PITPNB: variants seen among roughly 807,000 people sequenced by gnomAD.
PITPNB encodes phosphatidylinositol transfer protein beta isoform.
PITPNB carries 16 observed loss-of-function variants against 45.9 expected under a neutral mutation model. The observed-to-expected ratio is 0.35, with a 90% CI of 0.24 to 0.53. The LOEUF (loss-of-function observed/expected upper bound fraction) is 0.53, where lower values mean the gene tolerates loss of function less well. PITPNB is among the 20% of genes least tolerant of loss of function. The pLI, the probability that PITPNB is intolerant of heterozygous loss-of-function variation, is 0.93. For synonymous variants in PITPNB, 112 were observed against 108.9 expected (o/e 1.03, Z -0.18); for missense variants, 188 against 330.5 (o/e 0.57, Z 3.34).
intron 7 of PITPNB, among the ~76,000 whole-genome samples, chr22:27,882,330 G>A (rs1048781531): frequency 1.3e-5 from 2 of 152,066 alleles, no homozygotes; most frequent in African/African-American, 2.4e-5. Context: ...TGGTATGTTC[G>A]AAATGAAAAG....
intron 8 of PITPNB, among the ~76,000 whole-genome samples, chr22:27,871,091 A>C (rs1483241014): frequency 6.6e-6 from 1 of 152,250 alleles, no homozygotes; most frequent in African/African-American, 2.4e-5. Context: ...ATCTGCAGAA[A>C]TACAAAATTC....
rs574524268 is a variant in PITPNB at position 27,918,999 on chromosome 22, G to A, written c.20+173C>T. The A allele has an allele frequency of 1.6e-3, 1,451 of 917,234 alleles. 3 individuals are homozygous for A. Among genetic ancestry groups the A allele is most frequent in the Non-Finnish European group, 2.4e-3 (1,336 of 566,528 alleles). 56.8% of individuals were successfully genotyped at this position (917,234 alleles called of 1,614,324 possible). On this transcript the variant is annotated intron_variant, in intron 1 of 11. Transcript: ENST00000335272. ...TTACCACGGCAATGCCTGGAGGGCC[G>A]AGGGGCGCACTCGCTGAGGGGCTTC... is the stretch of plus-strand genomic sequence containing the variant.
At chr22:27,873,451 G>A (rs1471448596) in intron 8 of PITPNB, among the ~76,000 whole-genome samples, 1 of 152,100 alleles carries the variant, frequency 6.6e-6, no homozygotes, top group Non-Finnish European at 1.5e-5. Flanking sequence ...TACTGCTTCA[G>A]GTCTCAAAAG....
intron 11 of PITPNB, 116 bp downstream of exon 11, chr22:27,854,738 T>A: frequency 3.6e-6 from 2 of 562,594 alleles, no homozygotes; most frequent in Non-Finnish European, 6.3e-6. Flanking sequence ...ATTTATCTTT[T>A]AAATTCTAAA....
Position 27,858,504 on chromosome 22 carries a change from T to C in PITPNB, c.651A>G (p.Glu217=), listed in dbSNP as rs1306886020. The change falls in exon 10 of 12, where the codon GAA becomes GAG. Residue 217 remains glutamate, a synonymous_variant. Coordinates refer to ENST00000335272, the MANE Select transcript of PITPNB (RefSeq NM_012399.5). ...SKVENFIQKQ[E]KRIFTNFHRQ... is the part of the protein sequence containing the mutation. ...GATGGAAGTTTGTAAATATCCGTTT[T>C]TCTTGCTTTTAAAACAACAACAAAA... The C allele has an allele frequency of 6.2e-7, 1 of 1,608,586 alleles. No homozygotes were observed. The highest frequency in any genetic ancestry group is 1.3e-5 in the African/African-American group (1 of 74,652).
At chr22:27,868,445 G>A (rs1419376271) in intron 8 of PITPNB, among the ~76,000 whole-genome samples, 3 of 152,184 alleles carry the variant, frequency 2.0e-5, no homozygotes, top group Non-Finnish European at 4.4e-5. Context: ...ACATGGGGTA[G>A]ACAAAGAAAG....
chr22:27,909,482 A>G (rs914919644), intron 3 of PITPNB, among the ~76,000 whole-genome samples: 2 of 152,192 alleles, frequency 1.3e-5, no homozygotes, highest in Non-Finnish European at 2.9e-5. Context: ...AAGAAAGCAT[A>G]TGAAGAGTCA....
chr22:27,885,892 C>T (rs767412505), intron 7 of PITPNB, among the ~76,000 whole-genome samples: 44 of 152,150 alleles, frequency 2.9e-4, no homozygotes, highest in Non-Finnish European at 5.1e-4. Context: ...TTATGCCACG[C>T]CATGCATCCA....
intron 7 of PITPNB, among the ~76,000 whole-genome samples, chr22:27,889,917 ATTAAC>A (rs1255008121): frequency 4.6e-5 from 7 of 152,252 alleles, no homozygotes; most frequent in East Asian, 1.9e-4. Context: ...AAATGAACTA[ATTAAC>A]TTAACAGAAA....
chr22:27,909,207 C>CTTTTTTTTTTTTTTTTTT (rs34224616), intron 3 of PITPNB, among the ~76,000 whole-genome samples: 3 of 82,244 alleles, frequency 3.6e-5, no homozygotes, highest in Non-Finnish European at 6.7e-5. Context: ...ACTGGTAGTA[C>CTTTTTTTTTTTTTTTTTT]TTTTTTTTTT....
At chr22:27,900,551 G>C (rs1935563921) in intron 3 of PITPNB, among the ~76,000 whole-genome samples, 1 of 152,058 alleles carries the variant, frequency 6.6e-6, no homozygotes, top group African/African-American at 2.4e-5. Context: ...CTATAAGCTA[G>C]ATTTCAAATT....
At chr22:27,900,615 T>C (rs774120601) in intron 3 of PITPNB, among the ~76,000 whole-genome samples, 4 of 152,188 alleles carry the variant, frequency 2.6e-5, no homozygotes, top group Non-Finnish European at 5.9e-5. Flanking sequence ...CTCTCCTCAA[T>C]GAATCTAAGT....
At chr22:27,882,882 TC>T (rs1459963921) in intron 7 of PITPNB, among the ~76,000 whole-genome samples, 2 of 152,226 alleles carry the variant, frequency 1.3e-5, no homozygotes, top group African/African-American at 4.8e-5. Flanking sequence ...ATACAATTGT[TC>T]CTTTAACTGG....
chr22:27,899,860 T>C (rs531772155), intron 3 of PITPNB, among the ~76,000 whole-genome samples: 1 of 152,162 alleles, frequency 6.6e-6, no homozygotes, highest in Admixed American at 6.5e-5. Context: ...CCTATTCATC[T>C]GAGAGTATGA....
intron 3 of PITPNB, among the ~76,000 whole-genome samples, chr22:27,908,826 A>G (rs937001073): frequency 3.9e-5 from 6 of 152,198 alleles, no homozygotes; most frequent in Admixed American, 1.3e-4. Flanking sequence ...CTTATGGATA[A>G]TTGATTGATC....
chr22:27,887,949 TGA>T (rs1935171979), intron 7 of PITPNB, among the ~76,000 whole-genome samples: 1 of 152,170 alleles, frequency 6.6e-6, no homozygotes, highest in African/African-American at 2.4e-5. Context: ...ATACAGTTGG[TGA>T]GAGGAGTTTA....
rs145453321 is a variant in PITPNB at position 27,864,122 on chromosome 22, CCAG to C, written c.535-3884_535-3882del. On this transcript the variant is annotated intron_variant, in intron 8 of 11. Transcript: ENST00000335272. The stretch of plus-strand genomic sequence containing the variant: ...CTGCTGCCTAAAAACATAAACATTA[CCAG>C]AAGAAAGTTGAGAACACACAAGCTA... Among the ~76,000 whole-genome samples the C allele has an allele frequency of 7.0e-4, 106 of 152,172 alleles. 3 individuals are homozygous for C. The East Asian group carries it at 0.015, about 21-fold the overall frequency.
chr22:27,904,376 A>G (rs1935697473), intron 3 of PITPNB, among the ~76,000 whole-genome samples: 2 of 152,236 alleles, frequency 1.3e-5, no homozygotes, highest in Non-Finnish European at 2.9e-5. Context: ...TCAATCACGG[A>G]AGGCCACATA....
intron 7 of PITPNB, among the ~76,000 whole-genome samples, chr22:27,876,451 C>T (rs1466296148): frequency 6.6e-6 from 1 of 152,180 alleles, no homozygotes; most frequent in African/African-American, 2.4e-5. Flanking sequence ...AACAATAGCA[C>T]TTTAACCTTG....
Sources: gnomAD v4.1 joint callset for allele counts (sites outside exome capture counted in the v4.1 genomes callset) on GRCh38, gnomAD v4.1.1 for gene constraint, MANE v1.5 for transcripts, NCBI Gene and HGNC (gene_info 2026-07-23, HGNC 2026-07-21) for gene names.